Variants in LSAMP observed in about 807,000 individuals in gnomAD.
LSAMP encodes the protein limbic system-associated membrane protein.
A neutral mutation model predicts 38.6 loss-of-function variants in LSAMP; 7 were observed. The ratio of observed to expected loss-of-function variants is 0.18; its 90% CI spans 0.10 to 0.34. LSAMP has a LOEUF of 0.34. LSAMP is among the 10% of genes least tolerant of loss of function. The pLI is 1.00. For synonymous variants in LSAMP, 154 were observed against 166.8 expected, an observed-to-expected ratio of 0.92 and a Z score of 0.59; for missense variants, 313 against 420.0, an observed-to-expected ratio of 0.75 and a Z score of 2.23.
intron 1 of LSAMP, among the ~76,000 whole-genome samples, chr3:116,409,191 A>C (rs555999752): frequency 1.3e-5 from 2 of 152,140 alleles, no homozygotes; most frequent in East Asian, 1.9e-4. Flanking sequence ...TGTTTGTTTA[A>C]GCATTTTCCC....
chr3:115,891,464 A>G (rs1171607856), intron 3 of LSAMP, among the ~76,000 whole-genome samples: 2 of 152,056 alleles, frequency 1.3e-5, no homozygotes, highest in Admixed American at 6.6e-5. Context: ...GCCTTCCTAC[A>G]TCATTTGACC....
chr3:116,171,531 G>T (rs1170133833), intron 1 of LSAMP, among the ~76,000 whole-genome samples: 4 of 152,020 alleles, frequency 2.6e-5, no homozygotes, highest in African/African-American at 9.7e-5. Context: ...GGCCCTACCT[G>T]ATTTTTTTAA....
intron 1 of LSAMP, among the ~76,000 whole-genome samples, chr3:116,164,760 A>ATATATATATAT (rs374542146): frequency 3.3e-5 from 3 of 91,642 alleles, no homozygotes; most frequent in Non-Finnish European, 5.9e-5. Flanking sequence ...ATATATATAT[A>ATATATATATAT]TTTTTTTTTT....
At chr3:115,983,397 C>A (rs1252749372) in intron 3 of LSAMP, among the ~76,000 whole-genome samples, 1 of 152,022 alleles carries the variant, frequency 6.6e-6, no homozygotes, top group Non-Finnish European at 1.5e-5. Context: ...GTGGTGCACA[C>A]CTGTAGTCCC....
chr3:116,208,744 G>T (rs1457424524), intron 1 of LSAMP, among the ~76,000 whole-genome samples: 2 of 144,386 alleles, frequency 1.4e-5, no homozygotes, highest in East Asian at 2.1e-4. Context: ...CACTTGAGGA[G>T]GCTGTCTGCT....
At chr3:115,828,782 T>C (rs1934512887) in intron 6 of LSAMP, among the ~76,000 whole-genome samples, 1 of 152,252 alleles carries the variant, frequency 6.6e-6, no homozygotes. Context: ...AAGAGCAATA[T>C]TTCTATCAAA....
intron 1 of LSAMP, among the ~76,000 whole-genome samples, chr3:116,175,664 C>G (rs574363973): frequency 2.0e-4 from 30 of 152,066 alleles, no homozygotes; most frequent in African/African-American, 7.2e-4. Context: ...CATACCCATA[C>G]CCACATTAAA....
chr3:115,815,887 C>T (rs568713797), intron 6 of LSAMP, among the ~76,000 whole-genome samples: 1 of 152,242 alleles, frequency 6.6e-6, no homozygotes, highest in African/African-American at 2.4e-5. Flanking sequence ...AAATACGGTG[C>T]TGGCCCTTTC....
rs537078871 is a variant in LSAMP at position 116,265,650 on chromosome 3, A to G, written c.156-179094T>C. Among the ~76,000 whole-genome samples, 9 of 152,308 alleles carry G rather than the reference A, an allele frequency of 5.9e-5. No homozygotes were observed. In the East Asian group the frequency reaches 1.7e-3, roughly 29 times the overall value. ...CGTAACAGCAGTCCCAAGAGGTGGT[A>G]TATCATCCTCCCCACCTGTGAAAAG... On this transcript the variant is annotated intron_variant, in intron 1 of 6. Coordinates refer to ENST00000490035, the MANE Select transcript of LSAMP (RefSeq NM_002338.5).
At position 116,124,893 on chromosome 3, in the gene LSAMP, C is replaced by T. The variant is rs988345585; in HGVS notation, c.156-38337G>A. Among the ~76,000 whole-genome samples, 4 of 152,240 alleles carry T rather than the reference C, an allele frequency of 2.6e-5. No individual in the cohort carries two copies. In the South Asian group the frequency reaches 8.3e-4, roughly 32 times the overall value. On this transcript the variant is annotated intron_variant, in intron 1 of 6. Transcript: ENST00000490035. ...TTGTTTTCATTTGTAAACTTCGACT[C>T]TGATCTTTGCATAGTAAATAACTGA...
intron 6 of LSAMP, among the ~76,000 whole-genome samples, chr3:115,841,273 T>G (rs747118174): frequency 1.3e-5 from 2 of 152,258 alleles, no homozygotes; most frequent in Non-Finnish European, 2.9e-5. Flanking sequence ...AAGTAATGTC[T>G]CTTACTGTCA....
At chr3:116,208,417 C>G (rs536155175) in intron 1 of LSAMP, among the ~76,000 whole-genome samples, 2 of 152,140 alleles carry the variant, frequency 1.3e-5, no homozygotes, top group Non-Finnish European at 2.9e-5. Context: ...AGTCATTCTC[C>G]GTCTAGCTTT....
In LSAMP at chr3:116,334,045, T is replaced by C. The variant is rs529345066; in HGVS notation, c.155+110832A>G. 5.3e-5 allele frequency among the ~76,000 whole-genome samples: 8 copies of C among 151,918 alleles called. No homozygotes were observed. In the South Asian group the frequency reaches 1.5e-3, roughly 28 times the overall value. ...AGAAAAGATCCAAATTACTAAAATC[T>C]GAAATGAAAGTGGGGACATTACTAT... On this transcript the variant is annotated intron_variant, in intron 1 of 6. Coordinates refer to ENST00000490035, the MANE Select transcript of LSAMP (RefSeq NM_002338.5).
intron 2 of LSAMP, among the ~76,000 whole-genome samples, chr3:116,021,479 C>T (rs1291406890): frequency 6.6e-6 from 1 of 151,988 alleles, no homozygotes; most frequent in Non-Finnish European, 1.5e-5. Flanking sequence ...GTGCTCTGAA[C>T]ATCTTCAAAA....
At chr3:116,014,645 C>G (rs1442679951) in intron 3 of LSAMP, among the ~76,000 whole-genome samples, 1 of 152,152 alleles carries the variant, frequency 6.6e-6, no homozygotes, top group Non-Finnish European at 1.5e-5. Context: ...GTTTGACTCA[C>G]TGAATCTTCT....
chr3:116,166,776 G>GTTTTTTTT (rs1231142461), intron 1 of LSAMP, among the ~76,000 whole-genome samples: 1 of 129,586 alleles, frequency 7.7e-6, no homozygotes. Flanking sequence ...AAAATTTTTA[G>GTTTTTTTT]TTTTTTTTTT....
intron 3 of LSAMP, among the ~76,000 whole-genome samples, chr3:115,865,625 A>G (rs1935836750): frequency 6.6e-6 from 1 of 152,128 alleles, no homozygotes; most frequent in African/African-American, 2.4e-5. Context: ...CACACTGGAA[A>G]CTGCTAATAC....
At chr3:115,993,226 G>A (rs1255268747) in intron 3 of LSAMP, among the ~76,000 whole-genome samples, 1 of 152,042 alleles carries the variant, frequency 6.6e-6, no homozygotes, top group East Asian at 1.9e-4. Flanking sequence ...AGTTTTTCTA[G>A]TGGCAGTTTG....
chr3:116,290,533 C>A (rs1477062964), intron 1 of LSAMP, among the ~76,000 whole-genome samples: 1 of 151,798 alleles, frequency 6.6e-6, no homozygotes, highest in East Asian at 1.9e-4. Flanking sequence ...AGTTTGAGAC[C>A]AGCCTGACCA....
Sources: allele counts gnomAD v4.1 joint callset (sites outside exome capture counted in the v4.1 genomes callset), GRCh38; gene constraint gnomAD v4.1.1; transcripts MANE v1.5; gene names NCBI Gene and HGNC (gene_info 2026-07-23, HGNC 2026-07-21).